LRP1B: variants seen among roughly 807,000 people sequenced by gnomAD.
LRP1B encodes LDL receptor related protein 1B.
LRP1B carries 217 observed loss-of-function variants against 556.6 expected under a neutral mutation model. The ratio of observed to expected loss-of-function variants is 0.39; its 90% CI spans 0.35 to 0.44. LRP1B has a LOEUF of 0.44. Ranked by LOEUF, LRP1B falls within the 20% of genes least tolerant of loss-of-function variation. The pLI is 1.00. For synonymous variants in LRP1B, 2,047 were observed against 1,865.8 expected, an observed-to-expected ratio of 1.10 and a Z score of -2.50; for missense variants, 5,053 against 5,620.8, an observed-to-expected ratio of 0.90 and a Z score of 3.23.
intron 2 of LRP1B, among the ~76,000 whole-genome samples, chr2:141,540,863 G>T (rs1227851191): frequency 6.6e-6 from 1 of 151,906 alleles, no homozygotes; most frequent in Non-Finnish European, 1.5e-5. Flanking sequence ...ATATTAAAAT[G>T]CCATGTCAAT....
At chr2:140,651,788 T>C (rs538800106) in intron 41 of LRP1B, among the ~76,000 whole-genome samples, 38 of 152,100 alleles carry the variant, frequency 2.5e-4, no homozygotes, top group Non-Finnish European at 4.7e-4. Flanking sequence ...GAGCTGAAGA[T>C]TGGAGGAAGC....
chr2:141,844,129 C>T (rs1697565264), intron 1 of LRP1B, among the ~76,000 whole-genome samples: 1 of 152,054 alleles, frequency 6.6e-6, no homozygotes, highest in South Asian at 2.1e-4. Flanking sequence ...TTCTATACAT[C>T]AGTTAGGGGT....
chr2:141,960,062 G>A (rs7421755), intron 1 of LRP1B, among the ~76,000 whole-genome samples: 53,837 of 151,742 alleles, frequency 0.35, 10,578 homozygotes, highest in East Asian at 0.52. Flanking sequence ...AAGTTGAAAC[G>A]TGACAAATGC....
chr2:141,807,395 T>C (rs1319881823), intron 2 of LRP1B, among the ~76,000 whole-genome samples: 2 of 152,016 alleles, frequency 1.3e-5, no homozygotes, highest in African/African-American at 2.4e-5. Flanking sequence ...GTACAAAAAA[T>C]AGTTATTTCT....
intron 2 of LRP1B, among the ~76,000 whole-genome samples, chr2:141,618,742 G>A (rs1005675693): frequency 6.6e-5 from 10 of 152,134 alleles, no homozygotes; most frequent in African/African-American, 2.4e-4. Context: ...TGATCCTCCT[G>A]TCCTTAGTCT....
chr2:141,313,835 T>A (rs889586044), intron 3 of LRP1B, among the ~76,000 whole-genome samples: 2 of 152,124 alleles, frequency 1.3e-5, no homozygotes, highest in Non-Finnish European at 2.9e-5. Flanking sequence ...ATCACTAGTT[T>A]CAGTGTCTTC....
chr2:141,612,741 G>A (rs1559176502), intron 2 of LRP1B, among the ~76,000 whole-genome samples: 1 of 152,066 alleles, frequency 6.6e-6, no homozygotes, highest in Non-Finnish European at 1.5e-5. Flanking sequence ...ATTCCCTTTC[G>A]CCTTCGCATC....
intron 7 of LRP1B, among the ~76,000 whole-genome samples, chr2:141,063,061 G>A (rs1337606120): frequency 6.6e-6 from 1 of 151,666 alleles, no homozygotes; most frequent in Non-Finnish European, 1.5e-5. Flanking sequence ...ACTATGTTTA[G>A]TAAACACAAA....
intron 86 of LRP1B, among the ~76,000 whole-genome samples, chr2:140,260,684 G>A (rs936626279): frequency 2.0e-5 from 3 of 151,352 alleles, no homozygotes; most frequent in Admixed American, 6.6e-5. Flanking sequence ...TAGCCAGATG[G>A]CCCATTCCCA....
At chr2:141,140,834 G>A (rs1198576223) in intron 7 of LRP1B, among the ~76,000 whole-genome samples, 1 of 152,066 alleles carries the variant, frequency 6.6e-6, no homozygotes, top group Non-Finnish European at 1.5e-5. Flanking sequence ...TTGACTTACT[G>A]AGATAAGCAT....
At chr2:141,440,101 T>C (rs1240708565) in intron 3 of LRP1B, among the ~76,000 whole-genome samples, 1 of 152,092 alleles carries the variant, frequency 6.6e-6, no homozygotes, top group Admixed American at 6.5e-5. Context: ...GTATCACGTA[T>C]ATTATTTGCC....
intron 3 of LRP1B, among the ~76,000 whole-genome samples, chr2:141,338,261 C>A (rs915520191): frequency 1.3e-5 from 2 of 152,134 alleles, no homozygotes; most frequent in Non-Finnish European, 2.9e-5. Context: ...GAAGCCACTG[C>A]CACCATAAGC....
intron 7 of LRP1B, among the ~76,000 whole-genome samples, chr2:141,069,730 C>T (rs1182870869): frequency 6.6e-6 from 1 of 152,032 alleles, no homozygotes; most frequent in Non-Finnish European, 1.5e-5. Flanking sequence ...CATTCTTAGG[C>T]TGTAATTGAA....
chr2:141,017,331 CA>C (rs1697929583), intron 12 of LRP1B, among the ~76,000 whole-genome samples: 1 of 151,700 alleles, frequency 6.6e-6, no homozygotes, highest in Non-Finnish European at 1.5e-5. Context: ...TACAGTTAAT[CA>C]ATACGGTTTT....
chr2:140,656,769 T>C (rs16844405), intron 41 of LRP1B, among the ~76,000 whole-genome samples: 11,775 of 151,988 alleles, frequency 0.077, 573 homozygotes, highest in African/African-American at 0.13. Context: ...TTAACAACTA[T>C]AGTGAGGAAA....
intron 3 of LRP1B, among the ~76,000 whole-genome samples, chr2:141,408,582 G>A (rs1690728752): frequency 6.6e-6 from 1 of 151,652 alleles, no homozygotes; most frequent in Non-Finnish European, 1.5e-5. Context: ...TAGTCAACAA[G>A]GTAACAAAAA....
intron 6 of LRP1B, among the ~76,000 whole-genome samples, chr2:141,218,762 C>A (rs997767098): frequency 8.6e-5 from 13 of 152,014 alleles, no homozygotes; most frequent in African/African-American, 2.9e-4. Flanking sequence ...TACATGTACC[C>A]CTGAATCTAC....
intron 1 of LRP1B, among the ~76,000 whole-genome samples, chr2:141,871,552 A>T (rs1487200105): frequency 6.6e-6 from 1 of 152,028 alleles, no homozygotes; most frequent in Non-Finnish European, 1.5e-5. Flanking sequence ...TCTTGATACT[A>T]GACTAAGAAT....
At chr2:140,622,512 C>T (rs1218159485) in intron 41 of LRP1B, among the ~76,000 whole-genome samples, 7 of 152,256 alleles carry the variant, frequency 4.6e-5, no homozygotes, top group Middle Eastern at 6.8e-3. Flanking sequence ...TAATAGATAA[C>T]AGGTGGTCAG....
Sources: allele counts gnomAD v4.1 joint callset (sites outside exome capture counted in the v4.1 genomes callset), GRCh38; gene constraint gnomAD v4.1.1; transcripts MANE v1.5; gene names NCBI Gene and HGNC (gene_info 2026-07-23, HGNC 2026-07-21).